The following SLC7A11 variants were observed in gnomAD, a reference collection of about 807,000 sequenced individuals.
SLC7A11 encodes cystine/glutamate transporter.
A neutral mutation model predicts 54.5 loss-of-function variants in SLC7A11; 35 were observed. The observed-to-expected ratio is 0.64, with a 90% CI of 0.49 to 0.85. The LOEUF (loss-of-function observed/expected upper bound fraction) is 0.85, where lower values mean the gene tolerates loss of function less well. SLC7A11 is among the 40% of genes least tolerant of loss of function. The probability of loss-of-function intolerance (pLI) is 0.00; values close to 1 mark genes in which losing one functional copy is unlikely to be tolerated. For synonymous variants in SLC7A11, 230 were observed against 225.2 expected (o/e 1.02, Z -0.19); for missense variants, 583 against 618.1 (o/e 0.94, Z 0.60).
intron 6 of SLC7A11, among the ~76,000 whole-genome samples, chr4:138,213,750 C>G (rs1737613917): frequency 6.6e-6 from 1 of 152,064 alleles, no homozygotes; most frequent in Admixed American, 6.6e-5. Flanking sequence ...ACATTTGACT[C>G]ATTGACTAGT....
At position 138,175,702 on chromosome 4, in the gene SLC7A11, T is replaced by C. The variant is rs1736554369; in HGVS notation, c.1444+3515A>G. On this transcript the variant is annotated intron_variant, in intron 11 of 11. Coordinates refer to ENST00000280612, the MANE Select transcript of SLC7A11 (RefSeq NM_014331.4). ...AAAGTGGTTCAATACTGGCATCCTG[T>C]GGCTGGAGAGATTTATCAAATCTCT... 3 of 152,104 alleles carry C rather than the reference T, an allele frequency of 2.0e-5. No homozygotes were observed. The South Asian group carries it at 6.2e-4, about 32-fold the overall frequency. The allele number at this position is 152,104 out of a possible 1,614,324, so 9.4% of individuals were successfully genotyped here. A position where few individuals can be genotyped will look rare whatever the true frequency, so the allele number is the denominator to read the frequency against.
chr4:138,232,440 A>T, intron 2 of SLC7A11, 58 bp from the exon 3 acceptor site: 4 of 907,312 alleles, frequency 4.4e-6, no homozygotes. Context: ...CATTTTCATT[A>T]ATTTTTTCTA....
At chr4:138,185,313 A>C in intron 6 of SLC7A11, 69 bp from the exon 7 acceptor site, 1 of 1,520,290 alleles carries the variant, frequency 6.6e-7, no homozygotes, top group Non-Finnish European at 9.1e-7. Flanking sequence ...GAAGAAAATA[A>C]CAGGCTAATT....
At position 138,164,665 on chromosome 4, in the gene SLC7A11, T is replaced by C. The variant is rs989438288; in HGVS notation, c.*7291A>G. On this transcript the variant is annotated 3_prime_UTR_variant, in exon 12 of 12. Coordinates refer to ENST00000280612, the MANE Select transcript of SLC7A11 (RefSeq NM_014331.4). Reference sequence around the variant, plus strand: ...GACATTGTATTAAATTTGTATAAAATACACACAATCCCCTCTACTAAGTTT... The same window carrying C: ...GACATTGTATTAAATTTGTATAAAACACACACAATCCCCTCTACTAAGTTT... 6.6e-6 allele frequency: 1 copy of C among 151,940 alleles called. No homozygotes were observed. The highest frequency in any genetic ancestry group is 6.6e-5 in the Admixed American group (1 of 15,246). 9.4% of individuals were successfully genotyped at this position (151,940 alleles called of 1,614,324 possible).
Position 138,236,524 on chromosome 4 carries a change from A to G in SLC7A11, c.278-73T>C, listed in dbSNP as rs147867075. The G allele has an allele frequency of 2.2e-6, 3 of 1,389,066 alleles. No individual in the cohort carries two copies. The African/African-American group carries it at 4.4e-5, about 20-fold the overall frequency. The allele number at this position is 1,389,066 out of a possible 1,614,324, so 86.0% of individuals were successfully genotyped here. A position where few individuals can be genotyped will look rare whatever the true frequency, so the allele number is the denominator to read the frequency against. On this transcript the variant is annotated intron_variant, in intron 1 of 11. Coordinates refer to ENST00000280612, the MANE Select transcript of SLC7A11 (RefSeq NM_014331.4). ...GACACCCAGCATTAGAATAGATACA[A>G]TAATGTTTATATGTTGCCTGAGATG...
intron 6 of SLC7A11, among the ~76,000 whole-genome samples, chr4:138,206,938 T>G (rs2148432381): frequency 7.0e-6 from 1 of 141,962 alleles, no homozygotes; most frequent in African/African-American, 2.6e-5. Flanking sequence ...CTATTTCTAC[T>G]GTGAAACATA....
chr4:138,199,975 C>T (rs1189789722), intron 6 of SLC7A11, among the ~76,000 whole-genome samples: 1 of 152,114 alleles, frequency 6.6e-6, no homozygotes, highest in Non-Finnish European at 1.5e-5. Flanking sequence ...ATTTAAAACA[C>T]ATTTAACCTT....
intron 6 of SLC7A11, among the ~76,000 whole-genome samples, chr4:138,192,091 G>A (rs539677918): frequency 1.3e-4 from 19 of 151,936 alleles, no homozygotes; most frequent in South Asian, 4.2e-4. Context: ...GCAACATTTC[G>A]GTAAACGATT....
At chr4:138,185,270 T>C (rs1200025559) in intron 6 of SLC7A11, 26 bp from the exon 7 acceptor site, 2 of 1,609,318 alleles carry the variant, frequency 1.2e-6, no homozygotes, top group South Asian at 2.2e-5. Context: ...GAATCACTTA[T>C]TCATTATCTT....
intron 9 of SLC7A11, among the ~76,000 whole-genome samples, chr4:138,181,324 T>G (rs1402950622): frequency 6.6e-6 from 1 of 152,010 alleles, no homozygotes; most frequent in Non-Finnish European, 1.5e-5. Context: ...TCCTCCACAT[T>G]TACTCTCCTG....
chr4:138,212,565 A>G (rs1737574847), intron 6 of SLC7A11, among the ~76,000 whole-genome samples: 1 of 151,642 alleles, frequency 6.6e-6, no homozygotes, highest in African/African-American at 2.4e-5. Context: ...ATCTGTGTGC[A>G]CTAAATCATG....
Position 138,185,213 on chromosome 4 carries a change from C to T in SLC7A11, c.823G>A (p.Ala275Thr). Residue 275 changes from alanine to threonine, a missense_variant, in exon 7 of 12, where the codon GCC (alanine) becomes ACC (threonine). Physicochemically the swap from Ala to Thr is moderately conservative, Grantham distance 58. Transcript: ENST00000280612. ...AGCACATAGCCAATGGTGACAATGG[C>T]CATGGATATACATATTGCAAGGGGA... ...TIPLAICISM[A>T]IVTIGYVLTN... 1.2e-6 allele frequency: 2 copies of T among 1,612,556 alleles called. No homozygotes were observed. Among genetic ancestry groups the T allele is most frequent in the Non-Finnish European group, 1.7e-6 (2 of 1,179,042 alleles).
chr4:138,193,901 A>C (rs1292724671), intron 6 of SLC7A11, among the ~76,000 whole-genome samples: 3 of 152,220 alleles, frequency 2.0e-5, no homozygotes, highest in Non-Finnish European at 4.4e-5. Context: ...AATTGAAAAT[A>C]ATTTTTCACT....
At chr4:138,189,854 T>C (rs796303981) in intron 6 of SLC7A11, among the ~76,000 whole-genome samples, 2 of 152,306 alleles carry the variant, frequency 1.3e-5, no homozygotes, top group African/African-American at 4.8e-5. Flanking sequence ...TAAACCTAGC[T>C]TGATTCTCCA....
intron 3 of SLC7A11, among the ~76,000 whole-genome samples, chr4:138,231,349 A>G (rs1249002866): frequency 2.6e-5 from 4 of 152,188 alleles, no homozygotes; most frequent in Non-Finnish European, 4.4e-5. Context: ...AATTTTAATT[A>G]AAAATAAATA....
chr4:138,209,647 C>A (rs1319602842), intron 6 of SLC7A11, among the ~76,000 whole-genome samples: 2 of 151,812 alleles, frequency 1.3e-5, no homozygotes, highest in South Asian at 4.1e-4. Flanking sequence ...AACAGCCACA[C>A]AAATGACAAC....
chr4:138,200,589 C>A (rs1467058840), intron 6 of SLC7A11, among the ~76,000 whole-genome samples: 1 of 152,020 alleles, frequency 6.6e-6, no homozygotes, highest in Admixed American at 6.6e-5. Flanking sequence ...GATTTCTATT[C>A]AACAACACTA....
chr4:138,233,103 GCA>G (rs1330373835), intron 2 of SLC7A11, among the ~76,000 whole-genome samples: 1 of 151,696 alleles, frequency 6.6e-6, no homozygotes, highest in Non-Finnish European at 1.5e-5. Flanking sequence ...TGAGAAAATT[GCA>G]CAGACCTTTT....
Position 138,223,303 on chromosome 4 carries a change from C to T in SLC7A11, c.542G>A (p.Ser181Asn), listed in dbSNP as rs777547604. The T allele has an allele frequency of 6.2e-7, 1 of 1,613,566 alleles. No individual in the cohort carries two copies. Among genetic ancestry groups the T allele is most frequent in the Admixed American group, 1.7e-5 (1 of 60,008 alleles). The change falls in exon 4 of 12, where the codon AGC (serine) becomes AAC (asparagine). Residue 181 changes from serine to asparagine, a missense_variant. Coordinates refer to ENST00000280612, the MANE Select transcript of SLC7A11 (RefSeq NM_014331.4). Reference sequence around the variant, plus strand: ...CCGGGCGCTCCAGCTGACACTCATGCTATTTAGGACCATCACTACAGCTGC... The same window carrying T: ...CCGGGCGCTCCAGCTGACACTCATGTTATTTAGGACCATCACTACAGCTGC... Reference protein sequence around the residue: ...VGITVVMVLNSMSVSWSARIQ... With the variant: ...VGITVVMVLNNMSVSWSARIQ...
Sources: allele counts gnomAD v4.1 joint callset (sites outside exome capture counted in the v4.1 genomes callset), GRCh38; gene constraint gnomAD v4.1.1; transcripts MANE v1.5; gene names NCBI Gene and HGNC (gene_info 2026-07-23, HGNC 2026-07-21).